SLC44A5: variants seen among roughly 807,000 people sequenced by gnomAD.
SLC44A5 encodes choline transporter-like protein 5.
SLC44A5 carries 57 observed loss-of-function variants against 101.8 expected under a neutral mutation model. The observed-to-expected ratio is 0.56, with a 90% CI of 0.45 to 0.70. The LOEUF is 0.70. SLC44A5 is among the 30% of genes least tolerant of loss of function. The pLI is 0.00. For synonymous variants in SLC44A5, 281 were observed against 290.9 expected (o/e 0.97, Z 0.35); for missense variants, 737 against 853.1 (o/e 0.86, Z 1.70).
Position 75,454,665 on chromosome 1 carries a change from T to C in SLC44A5, c.14-58044A>G, listed in dbSNP as rs571877128. Reference sequence around the variant, plus strand: ...CCTAAAGAATCCCCCAAAAGGCTCCTAGACCTGATAAACAACTTCAGTAAA... The same window carrying C: ...CCTAAAGAATCCCCCAAAAGGCTCCCAGACCTGATAAACAACTTCAGTAAA... On this transcript the variant is annotated intron_variant, in intron 2 of 23. Coordinates refer to ENST00000370859, the MANE Select transcript of SLC44A5 (RefSeq NM_001130058.2). Among the ~76,000 whole-genome samples the C allele has an allele frequency of 1.1e-4, 17 of 152,222 alleles. No homozygotes were observed. The South Asian group carries it at 3.3e-3, about 30-fold the overall frequency.
intron 5 of SLC44A5, among the ~76,000 whole-genome samples, chr1:75,296,752 A>G (rs1310738480): frequency 6.6e-6 from 1 of 152,132 alleles, no homozygotes; most frequent in Non-Finnish European, 1.5e-5. Flanking sequence ...CTCAAAACCA[A>G]TGCCTGTATT....
chr1:75,662,314 G>C, the SLC44A5 span, among the ~76,000 whole-genome samples: 1 of 152,022 alleles, frequency 6.6e-6, no homozygotes, highest in Non-Finnish European at 1.5e-5. Context: ...TCTCACAGAG[G>C]CAGTGAATAG....
the SLC44A5 span, among the ~76,000 whole-genome samples, chr1:75,629,915 C>A: frequency 2.6e-5 from 4 of 152,114 alleles, no homozygotes; most frequent in Non-Finnish European, 4.4e-5. Flanking sequence ...CACACAACAC[C>A]ATTAAAAGCA....
At chr1:75,657,411 T>C in the SLC44A5 span, among the ~76,000 whole-genome samples, 1 of 151,856 alleles carries the variant, frequency 6.6e-6, no homozygotes, top group Non-Finnish European at 1.5e-5. Context: ...TAGCCAGGTA[T>C]AGTGGCACAT....
At chr1:75,582,843 A>G (rs941486622) in intron 1 of SLC44A5, among the ~76,000 whole-genome samples, 1 of 152,110 alleles carries the variant, frequency 6.6e-6, no homozygotes, top group African/African-American at 2.4e-5. Flanking sequence ...TTTTCTCTAC[A>G]ATTTATCTGC....
intron 2 of SLC44A5, among the ~76,000 whole-genome samples, chr1:75,470,406 TC>T (rs1265167604): frequency 6.6e-6 from 1 of 152,308 alleles, no homozygotes; most frequent in African/African-American, 2.4e-5. Flanking sequence ...TTTGAAATAA[TC>T]CTTCCACAAA....
At chr1:75,580,849 C>A (rs211676) in intron 1 of SLC44A5, among the ~76,000 whole-genome samples, 142,048 of 148,662 alleles carry the variant, frequency 0.96, 67,901 homozygotes, top group East Asian at 0.97. Flanking sequence ...AAAAAAAAAA[C>A]AAAGAAAAAG....
chr1:75,345,740 A>G (rs995515813), intron 3 of SLC44A5, among the ~76,000 whole-genome samples: 1 of 152,180 alleles, frequency 6.6e-6, no homozygotes, highest in African/African-American at 2.4e-5. Flanking sequence ...GGAACAAGAC[A>G]TGACAGCAGT....
intron 1 of SLC44A5, among the ~76,000 whole-genome samples, chr1:75,571,200 A>G (rs1673054888): frequency 6.6e-6 from 1 of 152,218 alleles, no homozygotes; most frequent in Non-Finnish European, 1.5e-5. Context: ...TTATGAAAAA[A>G]CATAGGTGAA....
At chr1:75,499,090 T>C (rs1668814373) in intron 2 of SLC44A5, among the ~76,000 whole-genome samples, 1 of 152,160 alleles carries the variant, frequency 6.6e-6, no homozygotes, top group Non-Finnish European at 1.5e-5. Context: ...GTTGGTAGCA[T>C]AGGAGCAATA....
At chr1:75,265,863 G>A (rs538841089) in intron 6 of SLC44A5, among the ~76,000 whole-genome samples, 277 of 152,272 alleles carry the variant, frequency 1.8e-3, no homozygotes, top group African/African-American at 6.3e-3. Flanking sequence ...ACAAGCTGAA[G>A]TTTTTGTAGT....
chr1:75,570,360 G>A lies in SLC44A5; in HGVS notation c.-69-28844C>T, dbSNP rs149952747. 3.9e-5 allele frequency among the ~76,000 whole-genome samples: 6 copies of A among 152,276 alleles called. No homozygotes were observed. The East Asian group carries it at 7.7e-4, about 20-fold the overall frequency. ...GAAGATTTATGACTGAGAAGTGAAC[G>A]AAACACAGAAATACACAGAAGAAAT... On this transcript the variant is annotated intron_variant, in intron 1 of 23. Transcript: ENST00000370859.
At chr1:75,624,473 T>C in the SLC44A5 span, among the ~76,000 whole-genome samples, 1 of 152,130 alleles carries the variant, frequency 6.6e-6, no homozygotes, top group Non-Finnish European at 1.5e-5. Context: ...GCTAAGGCTT[T>C]ATTACAAATG....
chr1:75,432,930 C>T (rs1664694695), intron 2 of SLC44A5, among the ~76,000 whole-genome samples: 1 of 152,144 alleles, frequency 6.6e-6, no homozygotes, highest in African/African-American at 2.4e-5. Context: ...CCCACCCACC[C>T]TAACATCTTC....
chr1:75,659,627 CAAAAAAAAAA>C, the SLC44A5 span, among the ~76,000 whole-genome samples: 8 of 98,786 alleles, frequency 8.1e-5, no homozygotes, highest in African/African-American at 1.2e-4. Flanking sequence ...CCATCTCTAC[CAAAAAAAAAA>C]AAAAAAAAAA....
chr1:75,489,424 A>T (rs1057065723), intron 2 of SLC44A5, among the ~76,000 whole-genome samples: 1 of 152,234 alleles, frequency 6.6e-6, no homozygotes, highest in African/African-American at 2.4e-5. Context: ...TTCTGTCTTT[A>T]CGCTCACCCT....
intron 2 of SLC44A5, among the ~76,000 whole-genome samples, chr1:75,486,359 T>C (rs924227979): frequency 2.0e-5 from 3 of 152,108 alleles, no homozygotes; most frequent in African/African-American, 7.2e-5. Context: ...GAGGGAGTGA[T>C]ATTGAATAAT....
chr1:75,634,382 T>A, the SLC44A5 span, among the ~76,000 whole-genome samples: 1 of 152,066 alleles, frequency 6.6e-6, no homozygotes, highest in Non-Finnish European at 1.5e-5. Flanking sequence ...GCTATTAAGC[T>A]GGAGGCATCA....
chr1:75,481,132 T>G (rs1383607917), intron 2 of SLC44A5, among the ~76,000 whole-genome samples: 1 of 152,176 alleles, frequency 6.6e-6, no homozygotes, highest in East Asian at 1.9e-4. Flanking sequence ...TTGGCAAACC[T>G]GAGAAAAACA....
Sources: allele counts gnomAD v4.1 joint callset (sites outside exome capture counted in the v4.1 genomes callset), GRCh38; gene constraint gnomAD v4.1.1; transcripts MANE v1.5; gene names NCBI Gene and HGNC (gene_info 2026-07-23, HGNC 2026-07-21).